The following ENOX1 variants were observed in gnomAD, a reference collection of about 807,000 sequenced individuals.
ENOX1 encodes candidate growth-related and time keeping constitutive hydroquinone (NADH) oxidase.
In ENOX1, 42 loss-of-function variants were observed where a neutral mutation model predicts 82.5. That is an observed-to-expected ratio of 0.51 (90% CI 0.40 to 0.66). ENOX1 has a LOEUF of 0.66. Ranked by LOEUF, ENOX1 falls within the 30% of genes least tolerant of loss-of-function variation. The pLI is 0.00. For missense variants in ENOX1, 608 were observed against 811.6 expected (o/e 0.75, Z 3.05); for synonymous variants, 271 against 282.2 (o/e 0.96, Z 0.40).
chr13:43,271,291 C>G (rs1288390344), intron 12 of ENOX1, among the ~76,000 whole-genome samples: 2 of 152,132 alleles, frequency 1.3e-5, no homozygotes, highest in African/African-American at 4.8e-5. Flanking sequence ...ACTATGCAGC[C>G]ATTTAAGATG....
rs5803169 is a variant in ENOX1, at chr13:43,271,666, AACAC to A, written c.1447-2093_1447-2090del. On this transcript the variant is annotated intron_variant, in intron 12 of 16. Transcript: ENST00000690772. Reference sequence around the variant, plus strand: ...CACTTACAACTCTTCCTTCTATTAAAACACACACACACACACACACAAGCATGTG... The same window carrying A: ...CACTTACAACTCTTCCTTCTATTAAAACACACACACACACACAAGCATGTG... 4.5e-4 allele frequency among the ~76,000 whole-genome samples: 68 copies of A among 150,024 alleles called. No individual in the cohort carries two copies. In the South Asian group the frequency reaches 9.3e-3, roughly 21 times the overall value.
chr13:43,347,425 C>T (rs930302916), intron 8 of ENOX1, among the ~76,000 whole-genome samples: 2 of 151,908 alleles, frequency 1.3e-5, no homozygotes, highest in Non-Finnish European at 2.9e-5. Flanking sequence ...ACTGACAGGC[C>T]GATATATGAT....
rs113055476 is a variant in ENOX1 at position 43,534,377 on chromosome 13, A to G, written c.-218-50225T>C. On this transcript the variant is annotated intron_variant, in intron 2 of 16. Coordinates refer to ENST00000690772, the MANE Select transcript of ENOX1 (RefSeq NM_001347969.2). ...CTGATGTCTACCCCTTTCCTCTCCC[A>G]GAATAGTTCAGTGATTTCCACACCA... 5.4e-3 allele frequency among the ~76,000 whole-genome samples: 818 copies of G among 152,162 alleles called. 6 individuals carry two copies. Among genetic ancestry groups the G allele is most frequent in the African/African-American group, 0.019 (784 of 41,520 alleles).
In ENOX1 at chr13:43,227,389, G is replaced by A. The variant is rs559291329; in HGVS notation, c.1715-3251C>T. On this transcript the variant is annotated intron_variant, in intron 15 of 16. Coordinates refer to ENST00000690772, the MANE Select transcript of ENOX1 (RefSeq NM_001347969.2). ...TACACATTCATAAGAGGTATATGTT[G>A]AACGTATTTATTTGCCAGAACTGGA... Among the ~76,000 whole-genome samples the A allele has an allele frequency of 3.6e-4, 55 of 152,298 alleles. No homozygotes were observed. The South Asian group carries it at 0.011, about 32-fold the overall frequency.
At chr13:43,435,430 G>A (rs1040919173) in intron 3 of ENOX1, among the ~76,000 whole-genome samples, 50 of 152,134 alleles carry the variant, frequency 3.3e-4, no homozygotes, top group Non-Finnish European at 1.0e-4. Context: ...TGGGAAGCTG[G>A]TACCTACTAG....
chr13:43,391,305 A>C (rs1011443656), intron 5 of ENOX1, among the ~76,000 whole-genome samples: 3 of 152,126 alleles, frequency 2.0e-5, no homozygotes, highest in Admixed American at 6.6e-5. Flanking sequence ...AACTGCTGGA[A>C]GTTTTCAAAG....
At chr13:43,529,666 T>C (rs1236681083) in intron 2 of ENOX1, among the ~76,000 whole-genome samples, 2 of 152,090 alleles carry the variant, frequency 1.3e-5, no homozygotes, top group Non-Finnish European at 2.9e-5. Context: ...GAGTTCCAAT[T>C]GACAGCAATT....
At chr13:43,592,092 C>A (rs1371068424) in intron 2 of ENOX1, among the ~76,000 whole-genome samples, 1 of 152,190 alleles carries the variant, frequency 6.6e-6, no homozygotes, top group Non-Finnish European at 1.5e-5. Flanking sequence ...ATATTTTTCA[C>A]CGTGTGTGCT....
At chr13:43,607,609 A>C (rs2082032706) in intron 2 of ENOX1, among the ~76,000 whole-genome samples, 1 of 152,142 alleles carries the variant, frequency 6.6e-6, no homozygotes, top group Non-Finnish European at 1.5e-5. Context: ...CTGACCAACA[A>C]TTTTGTAGAG....
At chr13:43,641,797 T>G (rs1202505111) in intron 2 of ENOX1, among the ~76,000 whole-genome samples, 4 of 152,016 alleles carry the variant, frequency 2.6e-5, no homozygotes, top group Non-Finnish European at 5.9e-5. Context: ...CCTCCCAAAG[T>G]GCTGGGATTA....
chr13:43,317,867 TG>T (rs1454278724), intron 11 of ENOX1, among the ~76,000 whole-genome samples: 1 of 151,824 alleles, frequency 6.6e-6, no homozygotes, highest in East Asian at 1.9e-4. Flanking sequence ...TAGCCAGGCG[TG>T]GTGGCGGGTG....
At chr13:43,666,947 T>TA (rs1238263631) in intron 2 of ENOX1, among the ~76,000 whole-genome samples, 3 of 152,122 alleles carry the variant, frequency 2.0e-5, no homozygotes, top group Non-Finnish European at 4.4e-5. Context: ...TTTAATCCTC[T>TA]AAGAAGGTGA....
chr13:43,773,887 A>G (rs1051279604), intron 1 of ENOX1, among the ~76,000 whole-genome samples: 1 of 152,330 alleles, frequency 6.6e-6, no homozygotes, highest in South Asian at 2.1e-4. Context: ...GGCACGCACA[A>G]TGAATATCTA....
intron 1 of ENOX1, among the ~76,000 whole-genome samples, chr13:43,730,832 C>T (rs1042096653): frequency 6.6e-6 from 1 of 152,126 alleles, no homozygotes; most frequent in Non-Finnish European, 1.5e-5. Context: ...GTTCCTTCAT[C>T]CTCACCCTCA....
chr13:43,482,244 G>A (rs982178422), intron 3 of ENOX1, among the ~76,000 whole-genome samples: 2 of 152,122 alleles, frequency 1.3e-5, no homozygotes, highest in Non-Finnish European at 2.9e-5. Flanking sequence ...GAACCTAAAT[G>A]CCCACTGACA....
chr13:43,505,458 T>G (rs2077120616), intron 2 of ENOX1, among the ~76,000 whole-genome samples: 1 of 151,990 alleles, frequency 6.6e-6, no homozygotes, highest in Non-Finnish European at 1.5e-5. Context: ...TGCAGTCAAA[T>G]TTTCTTTCTT....
At chr13:43,443,073 T>C (rs2056443694) in intron 3 of ENOX1, among the ~76,000 whole-genome samples, 1 of 152,208 alleles carries the variant, frequency 6.6e-6, no homozygotes, top group South Asian at 2.1e-4. Context: ...AGTTCAGAAA[T>C]TATCCTTTTT....
chr13:43,608,355 G>C (rs537595667), intron 2 of ENOX1, among the ~76,000 whole-genome samples: 1 of 152,250 alleles, frequency 6.6e-6, no homozygotes, highest in South Asian at 2.1e-4. Context: ...CATTGTGTTA[G>C]ATGTCAAAGG....
At chr13:43,747,338 T>G (rs1950078110) in intron 1 of ENOX1, among the ~76,000 whole-genome samples, 1 of 152,190 alleles carries the variant, frequency 6.6e-6, no homozygotes, top group African/African-American at 2.4e-5. Context: ...AAGGGTAGTA[T>G]TCTAGTGAAT....
Sources: allele counts gnomAD v4.1 joint callset (sites outside exome capture counted in the v4.1 genomes callset), GRCh38; gene constraint gnomAD v4.1.1; transcripts MANE v1.5; gene names NCBI Gene and HGNC (gene_info 2026-07-23, HGNC 2026-07-21).